The following ACYP1 variants were observed in gnomAD, a reference collection of about 807,000 sequenced individuals.
The protein encoded by ACYP1 is acylphosphatase 1, also known as acylphosphatase-1.
Under a neutral mutation model 10.4 loss-of-function variants are expected in ACYP1, and 8 were observed. The ratio of observed to expected loss-of-function variants is 0.77; its 90% confidence interval spans 0.45 to 1.38. The LOEUF is 1.38. Among genes scored for constraint, ACYP1 ranks in the 40% most tolerant of loss-of-function variants. ACYP1 has a pLI of 0.00. For missense variants in ACYP1, 93 were observed against 117.3 expected, an observed-to-expected ratio of 0.79 and a Z score of 0.96; for synonymous variants, 38 against 40.8, an observed-to-expected ratio of 0.93 and a Z score of 0.26.
exon 1 of ACYP1, chr14:75,069,419 G>T: frequency 2.8e-6 from 2 of 724,564 alleles, no homozygotes; most frequent in Admixed American, 3.8e-5. Context: ...CTCCAGAAAA[G>T]CCTCTCCCGC....
At chr14:75,063,678 G>C in intron 1 of ACYP1, 117 bp from the exon 2 acceptor site, 3 of 822,960 alleles carry the variant, frequency 3.6e-6, no homozygotes, top group Non-Finnish European at 3.9e-6. Context: ...ACCTCTCCCC[G>C]ACTTCAAGGT....
intron 2 of ACYP1, among the ~76,000 whole-genome samples, chr14:75,062,402 G>GA (rs908416110): frequency 2.2e-4 from 31 of 142,826 alleles, no homozygotes; most frequent in East Asian, 2.0e-4. Flanking sequence ...CCATCCTTCA[G>GA]AAAAAAAAAA....
chr14:75,056,370 T>C (rs1012221552), intron 2 of ACYP1, among the ~76,000 whole-genome samples: 2 of 151,574 alleles, frequency 1.3e-5, no homozygotes, highest in African/African-American at 4.9e-5. Context: ...AGTGTCTCAT[T>C]CCTGGGACTG....
chr14:75,061,194 G>A (rs1198342644), intron 2 of ACYP1, among the ~76,000 whole-genome samples: 1 of 152,122 alleles, frequency 6.6e-6, no homozygotes, highest in Non-Finnish European at 1.5e-5. Flanking sequence ...CTAGGTAGGG[G>A]TTTCTTTTTG....
chr14:75,056,581 C>CA (rs1435529441), intron 2 of ACYP1, among the ~76,000 whole-genome samples: 1 of 150,778 alleles, frequency 6.6e-6, no homozygotes, highest in Non-Finnish European at 1.5e-5. Context: ...AAAAAACAAC[C>CA]AAAAAACCAT....
At chr14:75,060,838 G>A (rs1298334416) in intron 2 of ACYP1, among the ~76,000 whole-genome samples, 1 of 152,174 alleles carries the variant, frequency 6.6e-6, no homozygotes, top group Non-Finnish European at 1.5e-5. Context: ...GGCTGAGGTA[G>A]GTGGATCACC....
At chr14:75,064,372 G>A (rs1393370960), upstream of ACYP1, 3 of 152,332 alleles carry the variant, frequency 2.0e-5, no homozygotes, top group African/African-American at 7.2e-5. Context: ...ACCTGTTCTA[G>A]GTGACCAGGC....
chr14:75,068,319 T>A (rs557057570), upstream of ACYP1, among the ~76,000 whole-genome samples: 6 of 151,620 alleles, frequency 4.0e-5, no homozygotes, highest in East Asian at 1.9e-4. Flanking sequence ...CAAACAACTT[T>A]AAAAAACCCC....
intron 2 of ACYP1, among the ~76,000 whole-genome samples, chr14:75,055,448 C>T (rs572927087): frequency 1.3e-5 from 2 of 151,058 alleles, no homozygotes; most frequent in Non-Finnish European, 1.5e-5. Context: ...TGAGAATGGG[C>T]GTTTCCTACT....
chr14:75,069,350 C>T (rs1893241297), exon 1 of ACYP1: 39 of 1,299,710 alleles, frequency 3.0e-5, no homozygotes, highest in Non-Finnish European at 3.7e-5. Flanking sequence ...CAGACAAGGG[C>T]ACACCCCAAG....
upstream of ACYP1, among the ~76,000 whole-genome samples, chr14:75,068,996 G>T (rs1266909484): frequency 6.6e-6 from 1 of 152,212 alleles, no homozygotes; most frequent in Non-Finnish European, 1.5e-5. Flanking sequence ...TTTCGATCTG[G>T]TAGTTAACTT....
rs45444593 is a variant in ACYP1, at chr14:75,063,991, G to C, written c.-46C>G. 2.0e-6 allele frequency: 2 copies of C among 992,820 alleles called. No individual in the cohort carries two copies. The highest frequency in any genetic ancestry group is 2.4e-6 in the Non-Finnish European group (2 of 834,124). 61.5% of individuals were successfully genotyped at this position (992,820 alleles called of 1,614,324 possible). On this transcript the variant is annotated 5_prime_UTR_variant, in exon 1 of 3. Coordinates refer to ENST00000238618, the MANE Select transcript of ACYP1 (RefSeq NM_001107.5). ...CCCCACCGGCTGCCAGGATCACTCC[G>C]GGACCACCACGCCAACGGCTCACCA...
intron 2 of ACYP1, among the ~76,000 whole-genome samples, chr14:75,054,101 A>G (rs1368988884): frequency 2.0e-5 from 3 of 152,236 alleles, no homozygotes; most frequent in East Asian, 3.8e-4. Context: ...CCAGGACCAC[A>G]CGTAAACAAA....
At position 75,058,274 on chromosome 14, in the gene ACYP1, C is replaced by A. The variant is rs576761535; in HGVS notation, c.85-4615G>T. Among the ~76,000 whole-genome samples the A allele has an allele frequency of 1.5e-4, 23 of 150,818 alleles. 2 individuals are homozygous for A. Among genetic ancestry groups the A allele is most frequent in the African/African-American group, 4.9e-4 (20 of 40,586 alleles). On this transcript the variant is annotated intron_variant, in intron 2 of 2. Coordinates refer to ENST00000238618, the MANE Select transcript of ACYP1 (RefSeq NM_001107.5). Reference sequence around the variant, plus strand: ...GACCAGCCTGGCCAACACGGTGAAACCCTGTGTCTACTAAAAATACAAAAA... The same window carrying A: ...GACCAGCCTGGCCAACACGGTGAAAACCTGTGTCTACTAAAAATACAAAAA...
chr14:75,063,613 G>A, intron 1 of ACYP1, 52 bp from the exon 2 acceptor site: 1 of 1,486,454 alleles, frequency 6.7e-7, no homozygotes, highest in Non-Finnish European at 9.3e-7. Context: ...TCCAGGACCC[G>A]CAAGCCTGAG....
chr14:75,063,436 T>G, intron 2 of ACYP1, 34 bp downstream of exon 2: 1 of 1,579,322 alleles, frequency 6.3e-7, no homozygotes, highest in Non-Finnish European at 8.7e-7. Flanking sequence ...GCCCACAACC[T>G]AGGTTACCAC....
intron 2 of ACYP1, among the ~76,000 whole-genome samples, chr14:75,054,895 C>A (rs1230278648): frequency 6.6e-6 from 1 of 151,354 alleles, no homozygotes; most frequent in Non-Finnish European, 1.5e-5. Flanking sequence ...GACTCCGCAT[C>A]CAACTGACAG....
At chr14:75,067,824 T>A (rs1893172876), upstream of ACYP1, among the ~76,000 whole-genome samples, 1 of 150,676 alleles carries the variant, frequency 6.6e-6, no homozygotes, top group Non-Finnish European at 1.5e-5. Context: ...GGAGACCCTG[T>A]CTCTACAGAA....
upstream of ACYP1, among the ~76,000 whole-genome samples, chr14:75,068,782 A>G (rs1466076514): frequency 6.6e-6 from 1 of 152,088 alleles, no homozygotes; most frequent in Non-Finnish European, 1.5e-5. Flanking sequence ...CAGCTGTAAT[A>G]TGACATGTTG....
Sources: allele counts gnomAD v4.1 joint callset (sites outside exome capture counted in the v4.1 genomes callset), GRCh38; gene constraint gnomAD v4.1.1; transcripts MANE v1.5; gene names NCBI Gene and HGNC (gene_info 2026-07-23, HGNC 2026-07-21).